LRRC8C: variants seen among roughly 807,000 people sequenced by gnomAD.
LRRC8C encodes volume-regulated anion channel subunit LRRC8C.
LRRC8C carries 20 observed loss-of-function variants against 55.3 expected under a neutral mutation model. The ratio of observed to expected loss-of-function variants is 0.36; its 90% CI spans 0.25 to 0.53. The LOEUF (loss-of-function observed/expected upper bound fraction) is 0.53, where lower values mean the gene tolerates loss of function less well. LRRC8C is among the 20% of genes least tolerant of loss of function. The pLI, the probability that LRRC8C is intolerant of heterozygous loss-of-function variation, is 0.92. For missense variants in LRRC8C, 659 were observed against 951.4 expected (o/e 0.69, Z 4.04); for synonymous variants, 376 against 360.7 (o/e 1.04, Z -0.48).
rs768613270 is a variant in LRRC8C, at chr1:89,712,945, G to A, written c.375G>A (p.Lys125=). ...CYERALHWYA[K]YFPYLVLIHT... ...AGCGAGCCCTCCACTGGTATGCCAAGTATTTCCCTTACCTTGTCCTCATCC... is the reference window on the plus strand; with the variant it reads ...AGCGAGCCCTCCACTGGTATGCCAAATATTTCCCTTACCTTGTCCTCATCC... The change falls in exon 3 of 3, where the codon AAG becomes AAA. Residue 125 remains lysine (K), a synonymous_variant. Transcript: ENST00000370454. 1 of 1,613,708 alleles carries A rather than the reference G, an allele frequency of 6.2e-7. No homozygotes were observed. Among genetic ancestry groups the A allele is most frequent in the South Asian group, 1.1e-5 (1 of 91,084 alleles).
Position 89,685,508 on chromosome 1 carries a change from G to C in LRRC8C, c.-4-962G>C, listed in dbSNP as rs951260735. Among the ~76,000 whole-genome samples, 7 of 151,908 alleles carry C rather than the reference G, an allele frequency of 4.6e-5. No individual in the cohort carries two copies. In the Admixed American group the frequency reaches 4.6e-4, roughly 10 times the overall value. ...CCCTTATTCCTTGCCATAAGATAAA[G>C]AAAGGATATTTCTTCTCACAGTAGG... On this transcript the variant is annotated intron_variant, in intron 1 of 2. Transcript: ENST00000370454.
intron 2 of LRRC8C, among the ~76,000 whole-genome samples, chr1:89,705,548 G>T (rs1024985034): frequency 4.6e-5 from 7 of 152,056 alleles, no homozygotes; most frequent in Non-Finnish European, 1.0e-4. Flanking sequence ...GGAGACTGAG[G>T]TGGGTGGATC....
chr1:89,689,818 G>A (rs1441750888), intron 2 of LRRC8C, among the ~76,000 whole-genome samples: 22 of 152,180 alleles, frequency 1.4e-4, no homozygotes, highest in Non-Finnish European at 2.1e-4. Context: ...GCATGCACCT[G>A]TAATCCCAGC....
At chr1:89,634,620 A>AT (rs1280326340) in intron 1 of LRRC8C, among the ~76,000 whole-genome samples, 1 of 152,220 alleles carries the variant, frequency 6.6e-6, no homozygotes, top group Non-Finnish European at 1.5e-5. Context: ...GCCAGAGCCA[A>AT]TAATTTTTAT....
intron 1 of LRRC8C, among the ~76,000 whole-genome samples, chr1:89,634,915 T>A (rs1468568423): frequency 2.6e-5 from 4 of 152,196 alleles, no homozygotes; most frequent in Non-Finnish European, 5.9e-5. Context: ...GATGGATATT[T>A]GCCATGGTTC....
At chr1:89,672,748 T>C (rs1657455935) in intron 1 of LRRC8C, among the ~76,000 whole-genome samples, 1 of 152,184 alleles carries the variant, frequency 6.6e-6, no homozygotes, top group Non-Finnish European at 1.5e-5. Flanking sequence ...AACCAACTTA[T>C]CTTTCCACCA....
intron 2 of LRRC8C, among the ~76,000 whole-genome samples, chr1:89,707,651 A>AGTGTGTGTGTGTGT (rs34052147): frequency 7.1e-6 from 1 of 140,036 alleles, no homozygotes; most frequent in African/African-American, 3.1e-5. Flanking sequence ...TGTGTGTGTG[A>AGTGTGTGTGTGTGT]GTGTGTGTGT....
chr1:89,623,676 C>T, the LRRC8C span, among the ~76,000 whole-genome samples: 1 of 151,946 alleles, frequency 6.6e-6, no homozygotes, highest in African/African-American at 2.4e-5. Flanking sequence ...GAGCCGAGAT[C>T]GTGCCACTGC....
the LRRC8C span, among the ~76,000 whole-genome samples, chr1:89,616,733 A>C: frequency 6.6e-6 from 1 of 152,190 alleles, no homozygotes; most frequent in Non-Finnish European, 1.5e-5. Flanking sequence ...TAGGCAGTAA[A>C]GGAGAGCATA....
At chr1:89,700,729 A>G (rs967664950) in intron 2 of LRRC8C, among the ~76,000 whole-genome samples, 2 of 152,216 alleles carry the variant, frequency 1.3e-5, no homozygotes, top group Admixed American at 6.5e-5. Flanking sequence ...GGTACTACCT[A>G]TATTTGAATC....
intron 2 of LRRC8C, among the ~76,000 whole-genome samples, chr1:89,695,121 C>T (rs779494670): frequency 4.0e-5 from 6 of 151,878 alleles, no homozygotes; most frequent in Non-Finnish European, 7.4e-5. Flanking sequence ...GGGGTTTCAC[C>T]ATGTTGGCCA....
At chr1:89,659,328 G>A (rs1657052104) in intron 1 of LRRC8C, among the ~76,000 whole-genome samples, 2 of 152,116 alleles carry the variant, frequency 1.3e-5, no homozygotes, top group East Asian at 3.9e-4. Context: ...GTTCTGTTAC[G>A]GAATGTTAGG....
chr1:89,644,707 A>G (rs945622121), intron 1 of LRRC8C, among the ~76,000 whole-genome samples: 57 of 152,338 alleles, frequency 3.7e-4, no homozygotes, highest in African/African-American at 1.3e-3. Flanking sequence ...GAAAAAAGTC[A>G]CATAAAAGAG....
chr1:89,675,018 T>G (rs1219858510), intron 1 of LRRC8C, among the ~76,000 whole-genome samples: 2 of 152,188 alleles, frequency 1.3e-5, no homozygotes, highest in Non-Finnish European at 2.9e-5. Flanking sequence ...AAAAAGTGTT[T>G]GACAAAAAGT....
In LRRC8C at chr1:89,711,779, T is replaced by C. The variant is rs955901374; in HGVS notation, c.139-930T>C. 3.3e-5 allele frequency among the ~76,000 whole-genome samples: 5 copies of C among 152,246 alleles called. No individual in the cohort carries two copies. In the East Asian group the frequency reaches 9.6e-4, roughly 29 times the overall value. ...AAGGATGGTGGTTCTCAATGTAATATTTTGTGTGTAACGCTAGCAAATCTA... is the reference window on the plus strand; with the variant it reads ...AAGGATGGTGGTTCTCAATGTAATACTTTGTGTGTAACGCTAGCAAATCTA... On this transcript the variant is annotated intron_variant, in intron 2 of 2. Coordinates refer to ENST00000370454, the MANE Select transcript of LRRC8C (RefSeq NM_032270.5).
chr1:89,705,873 T>C lies in LRRC8C; in HGVS notation c.139-6836T>C, dbSNP rs561069065. On this transcript the variant is annotated intron_variant, in intron 2 of 2. Coordinates refer to ENST00000370454, the MANE Select transcript of LRRC8C (RefSeq NM_032270.5). ...AGACATAACTTAATAATGCACAAAA[T>C]CTATGTGAGAAAACTGTAAAACACT... Among the ~76,000 whole-genome samples the C allele has an allele frequency of 5.3e-5, 8 of 152,054 alleles. No individual in the cohort carries two copies. In the East Asian group the frequency reaches 1.2e-3, roughly 22 times the overall value.
intron 2 of LRRC8C, chr1:89,708,588 TGACGAAGAAGAA>T (rs920514691): frequency 2.0e-5 from 3 of 151,250 alleles, no homozygotes; most frequent in Non-Finnish European, 4.4e-5. Context: ...AAGAAGAAGA[TGACGAAGAAGAA>T]GACAAAGAAG....
At chr1:89,695,407 T>C (rs1658147804) in intron 2 of LRRC8C, among the ~76,000 whole-genome samples, 1 of 152,224 alleles carries the variant, frequency 6.6e-6, no homozygotes, top group South Asian at 2.1e-4. Flanking sequence ...TTCTTTGCAC[T>C]GATATCCAAA....
intron 1 of LRRC8C, among the ~76,000 whole-genome samples, chr1:89,665,534 A>T (rs1657235719): frequency 6.6e-6 from 1 of 152,202 alleles, no homozygotes; most frequent in South Asian, 2.1e-4. Flanking sequence ...TAATAGCAAA[A>T]AACTTATTGA....
Sources: allele counts gnomAD v4.1 joint callset (sites outside exome capture counted in the v4.1 genomes callset), GRCh38; gene constraint gnomAD v4.1.1; transcripts MANE v1.5; gene names NCBI Gene and HGNC (gene_info 2026-07-23, HGNC 2026-07-21).